Variants in AKAP19 observed in about 807,000 individuals in gnomAD.
The protein encoded by AKAP19 is A-kinase anchoring protein 19, also known as small A-kinase anchoring protein.
At chr2:189,917,199 A>T in the AKAP19 span, 1 of 801,802 alleles carries the variant, frequency 1.2e-6, no homozygotes, top group South Asian at 2.1e-5. Flanking sequence ...AGTTTCAAAC[A>T]AAATGCAGTG....
the AKAP19 span, among the ~76,000 whole-genome samples, chr2:190,111,444 A>C: frequency 6.6e-6 from 1 of 152,130 alleles, no homozygotes; most frequent in African/African-American, 2.4e-5. Context: ...TACATTAATA[A>C]ACCTAAATAG....
At chr2:189,931,390 C>T in the AKAP19 span, among the ~76,000 whole-genome samples, 3 of 152,036 alleles carry the variant, frequency 2.0e-5, no homozygotes, top group Non-Finnish European at 2.9e-5. Context: ...AAGACAGAGT[C>T]GCACTCTGTC....
At chr2:190,180,770 C>A in the AKAP19 span, 1 of 985,270 alleles carries the variant, frequency 1.0e-6, no homozygotes, top group Non-Finnish European at 1.2e-6. The surrounding 1 kb of genome is among the most constrained non-coding windows in gnomAD (Gnocchi z 6.8). Context: ...AGGTGCGGGC[C>A]GCGAACCCGC....
the AKAP19 span, among the ~76,000 whole-genome samples, chr2:190,094,963 G>T: frequency 1.3e-5 from 2 of 152,350 alleles, no homozygotes; most frequent in South Asian, 4.1e-4. Context: ...GGTGGCTCAC[G>T]CCGGTAATCC....
At chr2:190,069,170 G>GTGTGTGTGTGTGTC in the AKAP19 span, among the ~76,000 whole-genome samples, 257 of 146,432 alleles carry the variant, frequency 1.8e-3, 1 homozygote, top group Middle Eastern at 0.01. Flanking sequence ...GTGTGTGTGT[G>GTGTGTGTGTGTGTC]TGTGTGAGAG....
the AKAP19 span, among the ~76,000 whole-genome samples, chr2:190,166,897 G>A: frequency 8.8e-3 from 317 of 35,990 alleles, 1 homozygote; most frequent in Middle Eastern, 0.02. Context: ...AAAGAAAAAA[G>A]AAAGAAAAAA....
the AKAP19 span, among the ~76,000 whole-genome samples, chr2:190,046,969 A>G: frequency 1.3e-5 from 2 of 152,210 alleles, no homozygotes; most frequent in African/African-American, 2.4e-5. Context: ...GGACTTTTAC[A>G]CACACAGAAA....
chr2:190,136,099 G>C, the AKAP19 span, among the ~76,000 whole-genome samples: 5 of 151,910 alleles, frequency 3.3e-5, no homozygotes, highest in African/African-American at 1.2e-4. Context: ...ATATATGGGT[G>C]TCTACTACAT....
chr2:190,202,877 G>A, the AKAP19 span: 10 of 167,010 alleles, frequency 6.0e-5, no homozygotes, highest in East Asian at 3.9e-4. Context: ...CCCAGTTGTC[G>A]CTTATGTACT....
the AKAP19 span, among the ~76,000 whole-genome samples, chr2:190,045,762 A>G: frequency 8.5e-5 from 13 of 152,282 alleles, no homozygotes; most frequent in African/African-American, 2.6e-4. Context: ...AGCAGCCTCA[A>G]TTGAGCCTCT....
the AKAP19 span, among the ~76,000 whole-genome samples, chr2:190,034,200 T>C: frequency 2.6e-5 from 4 of 152,072 alleles, no homozygotes; most frequent in Non-Finnish European, 4.4e-5. Flanking sequence ...AAATACAGCT[T>C]AATTCTTTTC....
At chr2:190,067,101 G>A in the AKAP19 span, among the ~76,000 whole-genome samples, 1 of 152,018 alleles carries the variant, frequency 6.6e-6, no homozygotes, top group Non-Finnish European at 1.5e-5. Context: ...TTTTGTGTCA[G>A]TTATATCATT....
the AKAP19 span, among the ~76,000 whole-genome samples, chr2:189,946,609 T>G: frequency 6.6e-6 from 1 of 152,222 alleles, no homozygotes; most frequent in African/African-American, 2.4e-5. Flanking sequence ...TTTTAGCCAT[T>G]AAAACATTTT....
chr2:190,081,887 G>T, the AKAP19 span, among the ~76,000 whole-genome samples: 1 of 152,138 alleles, frequency 6.6e-6, no homozygotes, highest in Non-Finnish European at 1.5e-5. Flanking sequence ...TTTCGGCCAA[G>T]GGGACCCCAG....
the AKAP19 span, among the ~76,000 whole-genome samples, chr2:190,052,768 A>T: frequency 6.6e-6 from 1 of 152,216 alleles, no homozygotes; most frequent in Non-Finnish European, 1.5e-5. Context: ...TTAGTGATTT[A>T]ATCTTTTTTA....
the AKAP19 span, among the ~76,000 whole-genome samples, chr2:190,097,628 C>T: frequency 2.6e-5 from 4 of 152,138 alleles, no homozygotes; most frequent in South Asian, 2.1e-4. Flanking sequence ...ATTAAGTTTA[C>T]GGAATGTTCT....
chr2:190,051,107 TC>T, the AKAP19 span, among the ~76,000 whole-genome samples: 7 of 152,196 alleles, frequency 4.6e-5, no homozygotes, highest in East Asian at 1.3e-3. Context: ...AAAAATTGTA[TC>T]TCTACATTTG....
the AKAP19 span, among the ~76,000 whole-genome samples, chr2:189,969,122 C>A: frequency 6.6e-6 from 1 of 152,100 alleles, no homozygotes; most frequent in Admixed American, 6.5e-5. Context: ...TTGCCCAGAT[C>A]CAACTATGAT....
the AKAP19 span, chr2:190,200,319 T>C: frequency 1.6e-6 from 1 of 620,958 alleles, no homozygotes; most frequent in Non-Finnish European, 2.9e-6. Context: ...AGTACTTCTA[T>C]GTTAACAGCA....
Sources: gnomAD v4.1 joint callset for allele counts (sites outside exome capture counted in the v4.1 genomes callset) on GRCh38, gnomAD v4.1.1 for gene constraint, Gnocchi (gnomAD v3.1) non-coding constraint, MANE v1.5 for transcripts, NCBI Gene and HGNC (gene_info 2026-07-23, HGNC 2026-07-21) for gene names.